The following IGF2BP3 variants were observed in gnomAD, a reference collection of about 807,000 sequenced individuals.
IGF2BP3 encodes insulin like growth factor 2 mRNA binding protein 3.
Under a neutral mutation model 73.8 loss-of-function variants are expected in IGF2BP3, and 9 were observed. The ratio of observed to expected loss-of-function variants is 0.12; its 90% CI spans 0.07 to 0.21. The LOEUF is 0.21. Ranked by LOEUF, IGF2BP3 falls within the 10% of genes least tolerant of loss-of-function variation. The pLI is 1.00. For missense variants in IGF2BP3, 542 were observed against 714.0 expected (o/e 0.76, Z 2.75); for synonymous variants, 258 against 256.7 (o/e 1.01, Z -0.05).
At chr7:23,361,785 A>C (rs1785237113) in intron 3 of IGF2BP3, 44 bp from the exon 4 acceptor site, 5 of 1,533,730 alleles carry the variant, frequency 3.3e-6, no homozygotes, top group Middle Eastern at 1.9e-4. Context: ...GAGTTTCCCA[A>C]GTTATTATCA....
chr7:23,391,311 G>C (rs1786269775), intron 3 of IGF2BP3, among the ~76,000 whole-genome samples: 2 of 151,806 alleles, frequency 1.3e-5, no homozygotes. Context: ...CATTCGCCAG[G>C]CTGGTCTCGA....
chr7:23,371,954 A>C (rs1019544752), intron 3 of IGF2BP3, among the ~76,000 whole-genome samples: 1 of 152,218 alleles, frequency 6.6e-6, no homozygotes, highest in Non-Finnish European at 1.5e-5. Flanking sequence ...TCCAGAGCTT[A>C]AGGGGCTTAC....
At chr7:23,451,547 T>TCG (rs1393720861) in intron 2 of IGF2BP3, among the ~76,000 whole-genome samples, 8 of 151,938 alleles carry the variant, frequency 5.3e-5, no homozygotes. Context: ...TGAGATGAGA[T>TCG]TGCACCATTG....
At chr7:23,329,102 A>C (rs542461528) in intron 10 of IGF2BP3, among the ~76,000 whole-genome samples, 5 of 151,832 alleles carry the variant, frequency 3.3e-5, no homozygotes, top group African/African-American at 1.2e-4. Flanking sequence ...AGTCCCAGCT[A>C]CTCGGGAGGC....
At chr7:23,319,070 T>C in intron 11 of IGF2BP3, 68 bp downstream of exon 11, 1 of 982,146 alleles carries the variant, frequency 1.0e-6, no homozygotes, top group African/African-American at 1.6e-5. Context: ...AATTATAAAG[T>C]GGCAAGAAGA....
At chr7:23,443,378 G>C (rs1787982540) in intron 2 of IGF2BP3, among the ~76,000 whole-genome samples, 1 of 152,034 alleles carries the variant, frequency 6.6e-6, no homozygotes, top group African/African-American at 2.4e-5. Flanking sequence ...ACCTGCCTCG[G>C]CCTCCCAAAG....
At chr7:23,367,578 C>A (rs1215541651) in intron 3 of IGF2BP3, among the ~76,000 whole-genome samples, 1 of 152,078 alleles carries the variant, frequency 6.6e-6, no homozygotes, top group African/African-American at 2.4e-5. Flanking sequence ...AGTTTAAATT[C>A]CAACGACAGG....
intron 2 of IGF2BP3, among the ~76,000 whole-genome samples, chr7:23,422,301 T>C (rs1787371901): frequency 6.6e-6 from 1 of 152,152 alleles, no homozygotes; most frequent in African/African-American, 2.4e-5. Flanking sequence ...GGATACTATC[T>C]TTTGTTTATT....
chr7:23,373,632 G>A (rs934162910), intron 3 of IGF2BP3, among the ~76,000 whole-genome samples: 1 of 152,160 alleles, frequency 6.6e-6, no homozygotes, highest in Non-Finnish European at 1.5e-5. Context: ...ATGAAAAACA[G>A]TACAGCAGTT....
At chr7:23,377,563 G>T (rs1374519472) in intron 3 of IGF2BP3, among the ~76,000 whole-genome samples, 1 of 152,194 alleles carries the variant, frequency 6.6e-6, no homozygotes, top group Non-Finnish European at 1.5e-5. Context: ...TTGGAAAACT[G>T]TCTGGTTGTT....
At chr7:23,403,566 C>T (rs1786735263) in intron 3 of IGF2BP3, among the ~76,000 whole-genome samples, 2 of 152,184 alleles carry the variant, frequency 1.3e-5, no homozygotes, top group Admixed American at 6.5e-5. Context: ...GTCAAAAATG[C>T]GTAAGTGAAC....
chr7:23,464,756 AG>A (rs1219755494), intron 2 of IGF2BP3, among the ~76,000 whole-genome samples: 1 of 151,766 alleles, frequency 6.6e-6, no homozygotes, highest in African/African-American at 2.4e-5. Flanking sequence ...CCTGAAAGGA[AG>A]AAAAAGGTAA....
At chr7:23,332,325 C>T (rs1003767463) in intron 10 of IGF2BP3, among the ~76,000 whole-genome samples, 1 of 152,214 alleles carries the variant, frequency 6.6e-6, no homozygotes, top group Non-Finnish European at 1.5e-5. Context: ...GTTTCTTCAG[C>T]ACCTGTATAA....
chr7:23,426,346 G>C (rs560018470), intron 2 of IGF2BP3, among the ~76,000 whole-genome samples: 1 of 127,268 alleles, frequency 7.9e-6, no homozygotes, highest in Non-Finnish European at 1.6e-5. Context: ...AAAAAGGGGG[G>C]TGGGGCCAAA....
chr7:23,406,809 C>A (rs1055247248), intron 3 of IGF2BP3, among the ~76,000 whole-genome samples: 1 of 152,096 alleles, frequency 6.6e-6, no homozygotes, highest in African/African-American at 2.4e-5. Flanking sequence ...CTGATTGGTG[C>A]GTTTTTATAG....
At chr7:23,361,626 A>T (rs1384503880) in intron 4 of IGF2BP3, 29 bp from the exon 5 acceptor site, 2 of 1,613,242 alleles carry the variant, frequency 1.2e-6, no homozygotes, top group Non-Finnish European at 1.7e-6. Flanking sequence ...GAAGAGAATA[A>T]AAGTTAGTTT....
intron 12 of IGF2BP3, among the ~76,000 whole-genome samples, chr7:23,313,975 G>A (rs1783904621): frequency 6.6e-6 from 1 of 152,164 alleles, no homozygotes; most frequent in South Asian, 2.1e-4. Context: ...TACTAAAATT[G>A]TGATAGGTAA....
At position 23,317,750 on chromosome 7, in the gene IGF2BP3, G is replaced by A. The variant is rs73686877; in HGVS notation, c.1321-37C>T. On this transcript the variant is annotated intron_variant, in intron 11 of 14. Transcript: ENST00000258729. ...CCAACAACAAGTTATGATACTTTCAGGTATCACTGATAGGCATCTTGGGCC... is the reference window on the plus strand; with the variant it reads ...CCAACAACAAGTTATGATACTTTCAAGTATCACTGATAGGCATCTTGGGCC... The A allele has an allele frequency of 3.6e-3, 5,522 of 1,534,168 alleles. 169 individuals carry two copies. In the African/African-American group the frequency reaches 0.066, roughly 18 times the overall value.
At chr7:23,356,370 C>A (rs1785096712) in intron 5 of IGF2BP3, among the ~76,000 whole-genome samples, 3 of 150,844 alleles carry the variant, frequency 2.0e-5, no homozygotes, top group African/African-American at 7.3e-5. Context: ...TCAGCCTCGG[C>A]AACACAGTGA....
Sources: allele counts gnomAD v4.1 joint callset (sites outside exome capture counted in the v4.1 genomes callset), GRCh38; gene constraint gnomAD v4.1.1; transcripts MANE v1.5; gene names NCBI Gene and HGNC (gene_info 2026-07-23, HGNC 2026-07-21).